Variants in ZNF710 observed in about 807,000 individuals in gnomAD.
The protein encoded by ZNF710 is zinc finger protein 710.
Under a neutral mutation model 50.6 loss-of-function variants are expected in ZNF710, and 13 were observed. The observed-to-expected ratio is 0.26, with a 90% confidence interval of 0.17 to 0.41. The LOEUF is 0.41. ZNF710 is among the 10% of genes least tolerant of loss of function. The pLI is 1.00. For missense variants in ZNF710, 721 were observed against 936.6 expected (o/e 0.77, Z 3.01); for synonymous variants, 383 against 397.0 (o/e 0.96, Z 0.42).
At chr15:90,047,583 CTTTTTTCTTTTTT>C (rs1161388854) in intron 1 of ZNF710, among the ~76,000 whole-genome samples, 1 of 114,208 alleles carries the variant, frequency 8.8e-6, no homozygotes, top group Non-Finnish European at 1.6e-5. Flanking sequence ...TTTTCTTTTT[CTTTTTTCTTTTTT>C]TTTTTTTGAG....
chr15:90,007,458 G>T (rs899089482), intron 1 of ZNF710, among the ~76,000 whole-genome samples: 1 of 152,126 alleles, frequency 6.6e-6, no homozygotes, highest in Middle Eastern at 3.4e-3. Context: ...TGTGCAGAAG[G>T]TTACATGTGT....
intron 1 of ZNF710, among the ~76,000 whole-genome samples, chr15:90,015,919 C>A (rs191731273): frequency 1.3e-5 from 2 of 152,282 alleles, no homozygotes; most frequent in East Asian, 3.9e-4. Context: ...CCATACGATG[C>A]AATTCTGTGC....
At chr15:90,058,562 C>T (rs1291901995) in intron 1 of ZNF710, among the ~76,000 whole-genome samples, 1 of 152,050 alleles carries the variant, frequency 6.6e-6, no homozygotes, top group Non-Finnish European at 1.5e-5. Context: ...GAGACACTCC[C>T]GTGCTGGGCC....
intron 1 of ZNF710, among the ~76,000 whole-genome samples, chr15:90,018,278 C>T (rs989173756): frequency 2.6e-5 from 4 of 151,794 alleles, no homozygotes; most frequent in African/African-American, 7.3e-5. Flanking sequence ...AAGCAGTTCA[C>T]CTGCCTCAGC....
intron 1 of ZNF710, among the ~76,000 whole-genome samples, chr15:90,008,454 G>GTATATATATATA (rs1378957319): frequency 8.0e-6 from 1 of 124,970 alleles, no homozygotes; most frequent in African/African-American, 3.7e-5. Context: ...ATATATATAT[G>GTATATATATATA]TATATATATA....
At chr15:90,078,428 C>A (rs1171384804) in intron 4 of ZNF710, among the ~76,000 whole-genome samples, 2 of 152,146 alleles carry the variant, frequency 1.3e-5, no homozygotes, top group African/African-American at 4.8e-5. Flanking sequence ...AGCCTGCTCC[C>A]CTTAGCTCTC....
At chr15:90,029,022 TATTA>T (rs1455032492) in intron 1 of ZNF710, among the ~76,000 whole-genome samples, 1 of 152,246 alleles carries the variant, frequency 6.6e-6, no homozygotes, top group Non-Finnish European at 1.5e-5. Flanking sequence ...TGGGTGGTTT[TATTA>T]ATTTTATAAT....
chr15:90,008,633 A>G (rs1429623645), intron 1 of ZNF710, among the ~76,000 whole-genome samples: 1 of 150,958 alleles, frequency 6.6e-6, no homozygotes, highest in Non-Finnish European at 1.5e-5. Context: ...AAAGTTTTAT[A>G]AATCAGTCGG....
Position 90,074,040 on chromosome 15 carries a change from T to C in ZNF710, c.1651-76T>C, listed in dbSNP as rs574067630. On this transcript the variant is annotated intron_variant, in intron 3 of 4. Transcript: ENST00000268154. Reference sequence around the variant, plus strand: ...AAAGAATAGGATTCTGGCCCAGCCATAGAGGTGGGAGTGGGCTGGGGTCCG... The same window carrying C: ...AAAGAATAGGATTCTGGCCCAGCCACAGAGGTGGGAGTGGGCTGGGGTCCG... 5.7e-6 allele frequency: 7 copies of C among 1,227,800 alleles called. No homozygotes were observed. In the South Asian group the frequency reaches 1.0e-4, roughly 18 times the overall value. 76.1% of individuals were successfully genotyped at this position (1,227,800 alleles called of 1,614,324 possible).
rs1344782998 is a variant in ZNF710, at chr15:90,062,572, C to G, written c.-28-4538C>G. Among the ~76,000 whole-genome samples the G allele has an allele frequency of 1.3e-5, 2 of 152,184 alleles. No individual in the cohort carries two copies. The highest frequency in any genetic ancestry group is 4.8e-5 in the African/African-American group (2 of 41,446). On this transcript the variant is annotated intron_variant, in intron 1 of 4. Transcript: ENST00000268154. This position sits in a 1 kb window ranked among gnomAD's most constrained non-coding sequence, Gnocchi z 5.6. ...GTTGGGTGGGGAGGCAGCCCTGGCA[C>G]ACAGGTGACGCACACCTGGCAGGCT...
At chr15:90,032,359 ATCAC>A (rs1388859439) in intron 1 of ZNF710, among the ~76,000 whole-genome samples, 1 of 152,206 alleles carries the variant, frequency 6.6e-6, no homozygotes, top group African/African-American at 2.4e-5. Flanking sequence ...AACTCAGCAG[ATCAC>A]ATGTGGTTGA....
chr15:90,070,262 AG>A (rs1288203720), intron 2 of ZNF710, among the ~76,000 whole-genome samples: 1 of 151,908 alleles, frequency 6.6e-6, no homozygotes, highest in Non-Finnish European at 1.5e-5. Context: ...CAGGAGGCTG[AG>A]GTGGGAAGTT....
At chr15:90,001,295 T>G (rs1051106586), upstream of ZNF710, 1 of 152,008 alleles carries the variant, frequency 6.6e-6, no homozygotes, top group African/African-American at 2.4e-5. Context: ...AAAAGAGAGA[T>G]AAAAGGGCTG....
In ZNF710 at chr15:90,068,145, C is replaced by T. The variant is rs766270489; in HGVS notation, c.1008C>T (p.Ser336=). 1.9e-6 allele frequency: 3 copies of T among 1,614,246 alleles called. No individual in the cohort carries two copies. Among genetic ancestry groups the T allele is most frequent in the Non-Finnish European group, 2.5e-6 (3 of 1,180,050 alleles). ...GCAGCAAGCTCTTCAAGCAGCCCAG[C>T]CACCTGCAGACGCACCTGCTGACGC... The part of the protein sequence containing the change: ...PHCSKLFKQP[S]HLQTHLLTHQ... The change falls in exon 2 of 5, where the codon AGC becomes AGT. Residue 336 remains serine (S), a synonymous_variant. Transcript: ENST00000268154. This position sits in a 1 kb window ranked among gnomAD's most constrained non-coding sequence, Gnocchi z 5.0.
chr15:90,063,138 A>C (rs1900063017), intron 1 of ZNF710, among the ~76,000 whole-genome samples: 1 of 152,258 alleles, frequency 6.6e-6, no homozygotes. Context: ...GGTCGTGCCT[A>C]CGTGCCCCTG....
chr15:90,010,596 A>G (rs1898271258), intron 1 of ZNF710, among the ~76,000 whole-genome samples: 1 of 152,056 alleles, frequency 6.6e-6, no homozygotes. Context: ...ACCTGGCCAA[A>G]ACAGGATGCA....
At position 90,062,214 on chromosome 15, in the gene ZNF710, C is replaced by T. The variant is rs903452033; in HGVS notation, c.-28-4896C>T. Reference sequence around the variant, plus strand: ...CTGTCTCTTCATTTCTTCTCTCCCTCTCCCTTTCTCTCTCTCTCTCTCTGA... The same window carrying T: ...CTGTCTCTTCATTTCTTCTCTCCCTTTCCCTTTCTCTCTCTCTCTCTCTGA... On this transcript the variant is annotated intron_variant, in intron 1 of 4. Transcript: ENST00000268154. The surrounding 1 kb of genome is among the most constrained non-coding windows in gnomAD (Gnocchi z 5.6). Among the ~76,000 whole-genome samples, 1 of 147,004 alleles carries T rather than the reference C, an allele frequency of 6.8e-6. No homozygotes were observed. The highest frequency in any genetic ancestry group is 6.7e-5 in the Admixed American group (1 of 14,844).
upstream of ZNF710, among the ~76,000 whole-genome samples, chr15:89,998,841 A>T (rs1282965700): frequency 2.0e-5 from 3 of 152,160 alleles, no homozygotes; most frequent in African/African-American, 7.2e-5. Flanking sequence ...TCTGCAATCC[A>T]CAGGTCTTCT....
At chr15:90,047,117 G>A (rs1308686693) in intron 1 of ZNF710, among the ~76,000 whole-genome samples, 1 of 149,962 alleles carries the variant, frequency 6.7e-6, no homozygotes, top group East Asian at 2.0e-4. Context: ...CTGGGGGTGG[G>A]TGGGGACAGG....
Sources: allele counts gnomAD v4.1 joint callset (sites outside exome capture counted in the v4.1 genomes callset), GRCh38; gene constraint gnomAD v4.1.1; non-coding constraint Gnocchi (gnomAD v3.1); transcripts MANE v1.5; gene names NCBI Gene and HGNC (gene_info 2026-07-23, HGNC 2026-07-21).